MIGA1: variants seen among roughly 807,000 people sequenced by gnomAD.
The protein encoded by MIGA1 is family with sequence similarity 73, member A.
MIGA1 carries 58 observed loss-of-function variants against 82.0 expected under a neutral mutation model. The observed-to-expected ratio is 0.71, with a 90% CI of 0.57 to 0.88. The LOEUF is 0.88. Ranked by LOEUF, MIGA1 falls within the 40% of genes least tolerant of loss-of-function variation. The pLI is 0.00. For synonymous variants in MIGA1, 249 were observed against 253.6 expected (o/e 0.98, Z 0.17); for missense variants, 751 against 749.1 (o/e 1.00, Z -0.03).
At chr1:77,874,819 A>C (rs1344850558) in intron 15 of MIGA1, 27 bp from the exon 16 acceptor site, 1 of 1,567,810 alleles carries the variant, frequency 6.4e-7, no homozygotes, top group Non-Finnish European at 8.8e-7. Flanking sequence ...TTGGTCTAAT[A>C]AATGCCAATT....
chr1:77,818,587 A>G (rs1476745213), intron 7 of MIGA1, among the ~76,000 whole-genome samples: 1 of 152,132 alleles, frequency 6.6e-6, no homozygotes, highest in Non-Finnish European at 1.5e-5. Flanking sequence ...ATTAACACAC[A>G]GGGGGAAAGA....
chr1:77,782,615 C>T (rs555287180), intron 1 of MIGA1, among the ~76,000 whole-genome samples: 3 of 152,312 alleles, frequency 2.0e-5, no homozygotes, highest in Non-Finnish European at 4.4e-5. Flanking sequence ...TGTGTGTCAA[C>T]TGCTTCTCTG....
intron 5 of MIGA1, among the ~76,000 whole-genome samples, chr1:77,807,457 G>A (rs1683144522): frequency 6.6e-6 from 1 of 151,998 alleles, no homozygotes; most frequent in Admixed American, 6.6e-5. Context: ...AGCCACCACG[G>A]TTGGTGGTAA....
At chr1:77,869,745 C>G (rs1195696860) in intron 14 of MIGA1, among the ~76,000 whole-genome samples, 9 of 111,650 alleles carry the variant, frequency 8.1e-5, no homozygotes, top group African/African-American at 2.0e-4. Context: ...CCGACCCCCC[C>G]CCCGCCTGCC....
chr1:77,859,146 A>G, intron 9 of MIGA1, 90 bp downstream of exon 9: 2 of 1,015,490 alleles, frequency 2.0e-6, no homozygotes, highest in South Asian at 1.4e-5. Flanking sequence ...AGGAGAAAAT[A>G]TGTTTTTAGG....
At chr1:77,848,709 C>T (rs1045750872) in intron 8 of MIGA1, 11 of 1,547,134 alleles carry the variant, frequency 7.1e-6, no homozygotes, top group African/African-American at 5.4e-5. Flanking sequence ...AGAGGAACAA[C>T]GAAGAAACTG....
intron 2 of MIGA1, among the ~76,000 whole-genome samples, chr1:77,798,420 T>C (rs552223439): frequency 6.6e-6 from 1 of 152,294 alleles, no homozygotes; most frequent in Admixed American, 6.5e-5. Context: ...GGCCTCACAA[T>C]TATGGTAGAA....
intron 12 of MIGA1, 75 bp from the exon 13 acceptor site, chr1:77,863,819 C>A: frequency 2.7e-6 from 3 of 1,100,748 alleles, no homozygotes; most frequent in Non-Finnish European, 3.8e-6. Context: ...GTTATAAAAC[C>A]ATAAAGCCCT....
At chr1:77,857,115 C>T (rs1289475421) in intron 8 of MIGA1, among the ~76,000 whole-genome samples, 2 of 152,040 alleles carry the variant, frequency 1.3e-5, no homozygotes, top group Non-Finnish European at 1.5e-5. Context: ...AAATTTCCAT[C>T]GTGCTTTTGT....
At chr1:77,797,047 G>A (rs76756653) in intron 2 of MIGA1, among the ~76,000 whole-genome samples, 6,031 of 152,288 alleles carry the variant, frequency 0.04, 139 homozygotes, top group Middle Eastern at 0.078. Flanking sequence ...ATTAAACAAC[G>A]TATAATCTTT....
chr1:77,833,252 G>T (rs1364932010), intron 7 of MIGA1, among the ~76,000 whole-genome samples: 2 of 152,138 alleles, frequency 1.3e-5, no homozygotes, highest in Non-Finnish European at 2.9e-5. Flanking sequence ...AGCTTAAGTT[G>T]TATACTCAGA....
chr1:77,826,954 G>A (rs949005408), intron 7 of MIGA1, among the ~76,000 whole-genome samples: 42 of 149,300 alleles, frequency 2.8e-4, no homozygotes, highest in African/African-American at 8.7e-4. Context: ...AAAAGCGCCC[G>A]CCAGCACGCC....
intron 8 of MIGA1, among the ~76,000 whole-genome samples, chr1:77,845,116 C>G (rs1314271964): frequency 6.6e-6 from 1 of 152,156 alleles, no homozygotes; most frequent in Non-Finnish European, 1.5e-5. Flanking sequence ...AGTACTGATT[C>G]ATAATATCTT....
In MIGA1 at chr1:77,848,052, T is replaced by C. The variant is rs1160833352; in HGVS notation, c.996+4645T>C. 2.3e-6 allele frequency: 3 copies of C among 1,290,086 alleles called. No individual in the cohort carries two copies. The African/African-American group carries it at 4.4e-5, about 19-fold the overall frequency. The allele number at this position is 1,290,086 out of a possible 1,614,324, so 79.9% of individuals were successfully genotyped here. On this transcript the variant is annotated intron_variant, in intron 8 of 15. Coordinates refer to ENST00000370791, the MANE Select transcript of MIGA1 (RefSeq NM_198549.4). ...CAGTGCCAGACACCACACGAAAGGA[T>C]CACGAACATCGAGAGGACACGAGAA...
Position 77,801,389 on chromosome 1 carries a change from C to G in MIGA1, c.254C>G (p.Ser85Cys), listed in dbSNP as rs1682874417. The G allele has an allele frequency of 6.2e-7, 1 of 1,604,778 alleles. No homozygotes were observed. The highest frequency in any genetic ancestry group is 2.3e-5 in the East Asian group (1 of 44,186). Residue 85 changes from serine to cysteine, a missense_variant, in exon 3 of 16, where the codon TCT becomes TGT. Physicochemically the swap from Ser to Cys is moderately radical, Grantham distance 112 (BLOSUM62 -1). This residue lies in a region of MIGA1 where 482 missense variants were observed against 439.4 expected (regional missense o/e 1.10). Transcript: ENST00000370791. ...GTGGTAACTGCAGTGAGTGCTATAT[C>G]TGTAATTTTTCTGGCTCATCACTTT...
chr1:77,783,131 G>T, intron 1 of MIGA1, 107 bp from the exon 2 acceptor site: 1 of 668,556 alleles, frequency 1.5e-6, no homozygotes, highest in Non-Finnish European at 2.4e-6. Context: ...ATCAATAATT[G>T]ACTGCAAAAA....
intron 4 of MIGA1, among the ~76,000 whole-genome samples, chr1:77,806,074 C>G (rs1182306194): frequency 6.6e-6 from 1 of 152,130 alleles, no homozygotes; most frequent in Non-Finnish European, 1.5e-5. Flanking sequence ...ATACTGATTA[C>G]AGTAGAACAT....
At position 77,873,003 on chromosome 1, in the gene MIGA1, G is replaced by A; in HGVS notation, c.1564-1G>A. The A allele has an allele frequency of 6.2e-7, 1 of 1,613,894 alleles. No individual in the cohort carries two copies. Among genetic ancestry groups the A allele is most frequent in the Non-Finnish European group, 8.5e-7 (1 of 1,180,024 alleles). Reference sequence around the variant, plus strand: ...CTTGATTCTCCTTTACTTCCCAGCAGATCCCAGATGGATTTTTTGCCCATT... The same window carrying A: ...CTTGATTCTCCTTTACTTCCCAGCAAATCCCAGATGGATTTTTTGCCCATT... On this transcript the variant is annotated splice_acceptor_variant, in intron 14 of 15. Coordinates refer to ENST00000370791, the MANE Select transcript of MIGA1 (RefSeq NM_198549.4). LOFTEE classifies it high-confidence loss of function.
intron 4 of MIGA1, among the ~76,000 whole-genome samples, chr1:77,805,424 T>C (rs1683055132): frequency 6.6e-6 from 1 of 151,374 alleles, no homozygotes; most frequent in Non-Finnish European, 1.5e-5. Context: ...TCAGTTTCTC[T>C]GTGAAACCGA....
Sources: allele counts gnomAD v4.1 joint callset (sites outside exome capture counted in the v4.1 genomes callset), GRCh38; gene constraint gnomAD v4.1.1; regional missense constraint gnomAD v4.1.1; transcripts MANE v1.5; gene names NCBI Gene and HGNC (gene_info 2026-07-23, HGNC 2026-07-21).